Variants in MKLN1 observed in about 807,000 individuals in gnomAD.
MKLN1 encodes the protein muskelin 1, also known as muskelin.
Under a neutral mutation model 99.0 loss-of-function variants are expected in MKLN1, and 18 were observed. The observed-to-expected ratio is 0.18, with a 90% CI of 0.13 to 0.27. MKLN1 has a LOEUF of 0.27. Among genes scored for constraint, MKLN1 ranks in the 10% least tolerant of loss-of-function variants. The probability of loss-of-function intolerance (pLI) is 1.00; values close to 1 mark genes in which losing one functional copy is unlikely to be tolerated. For synonymous variants in MKLN1, 288 were observed against 293.2 expected, an observed-to-expected ratio of 0.98 and a Z score of 0.18; for missense variants, 621 against 875.9, an observed-to-expected ratio of 0.71 and a Z score of 3.67.
chr7:131,463,071 A>G, intron 12 of MKLN1, 146 bp from the exon 13 acceptor site: 1 of 632,736 alleles, frequency 1.6e-6, no homozygotes, highest in Non-Finnish European at 2.6e-6. Flanking sequence ...GCAGTGAGTC[A>G]TGGTTGTGCC....
chr7:131,357,813 A>G (rs1478930006), intron 1 of MKLN1, among the ~76,000 whole-genome samples: 3 of 152,050 alleles, frequency 2.0e-5, no homozygotes, highest in African/African-American at 4.8e-5. Flanking sequence ...CCATTTCTCC[A>G]TAGAACTGTT....
intron 3 of MKLN1, among the ~76,000 whole-genome samples, chr7:131,228,592 A>T (rs1162667202): frequency 3.9e-5 from 6 of 152,234 alleles, no homozygotes; most frequent in Non-Finnish European, 8.8e-5. Flanking sequence ...CTATAAAATG[A>T]AGACAATAAG....
At chr7:131,377,023 A>G (rs993038885) in intron 2 of MKLN1, among the ~76,000 whole-genome samples, 4 of 152,114 alleles carry the variant, frequency 2.6e-5, no homozygotes, top group East Asian at 1.9e-4. Flanking sequence ...TCACTACCAT[A>G]TAGTATTCCT....
At position 131,387,269 on chromosome 7, in the gene MKLN1, T is replaced by C; in HGVS notation, c.311+7T>C. 1 of 1,604,850 alleles carries C rather than the reference T, an allele frequency of 6.2e-7. No homozygotes were observed. Among genetic ancestry groups the C allele is most frequent in the Non-Finnish European group, 8.5e-7 (1 of 1,176,864 alleles). On this transcript the variant is annotated splice_region_variant and intron_variant, in intron 3 of 17. Coordinates refer to ENST00000352689, the MANE Select transcript of MKLN1 (RefSeq NM_013255.5). The stretch of plus-strand genomic sequence containing the variant: ...TGACAGAGCTGTTGTCCAGGTGAGT[T>C]ATGGTTATGTTGAAGAGAGCTGTCT...
chr7:131,458,463 C>T (rs976451037), intron 12 of MKLN1, among the ~76,000 whole-genome samples: 1 of 151,774 alleles, frequency 6.6e-6, no homozygotes, highest in South Asian at 2.1e-4. Flanking sequence ...GGAACCATGG[C>T]GGAAAGGGAA....
chr7:131,167,128 CT>C (rs1309392135), intron 2 of MKLN1, among the ~76,000 whole-genome samples: 1 of 151,770 alleles, frequency 6.6e-6, no homozygotes, highest in Non-Finnish European at 1.5e-5. Flanking sequence ...TGTTTACTTG[CT>C]TATATCACAA....
At chr7:131,356,436 A>G (rs1799883230) in intron 1 of MKLN1, among the ~76,000 whole-genome samples, 1 of 151,766 alleles carries the variant, frequency 6.6e-6, no homozygotes, top group African/African-American at 2.4e-5. Flanking sequence ...CCACTGTAAC[A>G]TTTCCCCCCC....
intron 3 of MKLN1, among the ~76,000 whole-genome samples, chr7:131,297,000 A>G (rs1189557681): frequency 6.6e-6 from 1 of 151,980 alleles, no homozygotes; most frequent in Non-Finnish European, 1.5e-5. Flanking sequence ...CAGCCTCCCA[A>G]AGTGCTGGGA....
At chr7:131,429,770 C>T (rs1356366151) in intron 9 of MKLN1, among the ~76,000 whole-genome samples, 14 of 152,054 alleles carry the variant, frequency 9.2e-5, no homozygotes, top group African/African-American at 3.1e-4. Flanking sequence ...TTAGTAGAGA[C>T]GGGGTTTCAC....
chr7:131,226,591 A>G (rs1797150910), intron 3 of MKLN1, among the ~76,000 whole-genome samples: 1 of 152,224 alleles, frequency 6.6e-6, no homozygotes, highest in South Asian at 2.1e-4. Context: ...GAAGGAAATG[A>G]AAGGAATTGT....
intron 3 of MKLN1, among the ~76,000 whole-genome samples, chr7:131,218,084 G>A (rs76302022): frequency 0.011 from 1,628 of 152,302 alleles, 17 homozygotes; most frequent in Non-Finnish European, 0.017. Context: ...TGAAATCATA[G>A]GGGCTTGAAA....
intron 3 of MKLN1, among the ~76,000 whole-genome samples, chr7:131,286,845 C>G (rs13229358): frequency 0.12 from 18,369 of 152,260 alleles, 1,984 homozygotes; most frequent in African/African-American, 0.3. Flanking sequence ...GTGGCTCACA[C>G]CTGTAATCCC....
At position 131,464,144 on chromosome 7, in the gene MKLN1, G is replaced by A. The variant is rs577641419; in HGVS notation, c.1674-150G>A. ...AACTCAGTTCTAACAAATTCCGATT[G>A]TTTTATGAATAACTAGAACTTTAAG... On this transcript the variant is annotated intron_variant, in intron 13 of 17. Transcript: ENST00000352689. 9 of 487,550 alleles carry A rather than the reference G, an allele frequency of 1.8e-5. No individual in the cohort carries two copies. In the South Asian group the frequency reaches 2.9e-4, roughly 16 times the overall value. The allele number at this position is 487,550 out of a possible 1,614,324, so 30.2% of individuals were successfully genotyped here.
rs999075596 is a variant in MKLN1, at chr7:131,488,663, T to G, written c.*935T>G. The G allele has an allele frequency of 6.6e-6, 1 of 152,548 alleles. No homozygotes were observed. Among genetic ancestry groups the G allele is most frequent in the Non-Finnish European group, 1.5e-5 (1 of 68,004 alleles). The allele number at this position is 152,548 out of a possible 1,614,324, so 9.4% of individuals were successfully genotyped here. A position where few individuals can be genotyped will look rare whatever the true frequency, so the allele number is the denominator to read the frequency against. ...TTATCTTGTGCTATCTCTGTAGTAT[T>G]TTCATTTGAGAGAGGAGGCTGAGTT... On this transcript the variant is annotated 3_prime_UTR_variant, in exon 18 of 18. Transcript: ENST00000352689.
chr7:131,354,670 T>TCTTCTCAGTGACA (rs1470739881), intron 1 of MKLN1, among the ~76,000 whole-genome samples: 3 of 152,170 alleles, frequency 2.0e-5, no homozygotes, highest in African/African-American at 4.8e-5. Flanking sequence ...TTAGGGAGTG[T>TCTTCTCAGTGACA]CTTCTCAGTG....
chr7:131,458,308 C>T (rs1211265208), intron 12 of MKLN1, among the ~76,000 whole-genome samples: 2 of 152,154 alleles, frequency 1.3e-5, no homozygotes, highest in South Asian at 2.1e-4. Context: ...AGCACATTTG[C>T]CGTATAGATA....
intron 3 of MKLN1, among the ~76,000 whole-genome samples, chr7:131,272,305 T>G (rs533013088): frequency 3.9e-5 from 6 of 152,366 alleles, no homozygotes; most frequent in Non-Finnish European, 8.8e-5. Flanking sequence ...CCAAGGCATA[T>G]CAGGCAAAGC....
intron 16 of MKLN1, among the ~76,000 whole-genome samples, chr7:131,477,401 A>C (rs1796997828): frequency 1.3e-5 from 2 of 149,052 alleles, no homozygotes; most frequent in South Asian, 4.2e-4. Flanking sequence ...AAAAAAAGTC[A>C]AAAAATGAGG....
intron 2 of MKLN1, among the ~76,000 whole-genome samples, chr7:131,176,062 C>T (rs966524622): frequency 6.6e-6 from 1 of 152,120 alleles, no homozygotes; most frequent in Non-Finnish European, 1.5e-5. Context: ...TCATTTCTGC[C>T]TTCCCTCTAA....
Sources: gnomAD v4.1 joint callset for allele counts (sites outside exome capture counted in the v4.1 genomes callset) on GRCh38, gnomAD v4.1.1 for gene constraint, MANE v1.5 for transcripts, NCBI Gene and HGNC (gene_info 2026-07-23, HGNC 2026-07-21) for gene names.